SLC6A18: variants seen among roughly 807,000 people sequenced by gnomAD.
SLC6A18 encodes solute carrier family 6 member 18, also known as inactive sodium-dependent neutral amino acid transporter B(0)AT3.
A neutral mutation model predicts 62.9 loss-of-function variants in SLC6A18; 58 were observed. That is an observed-to-expected ratio of 0.92 (90% CI 0.75 to 1.15). The LOEUF (loss-of-function observed/expected upper bound fraction) is 1.15. Among genes scored for constraint, SLC6A18 ranks in the 50% most tolerant of loss-of-function variants. The pLI is 0.00. For missense variants in SLC6A18, 793 were observed against 836.6 expected (o/e 0.95, Z 0.64); for synonymous variants, 382 against 365.8 (o/e 1.04, Z -0.51).
chr5:1,244,535 G>T, intron 10 of SLC6A18, 73 bp from the exon 11 acceptor site: 1 of 1,548,652 alleles, frequency 6.5e-7, no homozygotes, highest in Non-Finnish European at 8.7e-7. Context: ...CCCCAGTTAG[G>T]GTCCGATCCT....
chr5:1,239,471 C>G lies in SLC6A18; in HGVS notation c.754C>G (p.Arg252Gly), dbSNP rs142665386. The G allele has an allele frequency of 2.5e-6, 4 of 1,613,902 alleles. No individual in the cohort carries two copies. In the African/African-American group the frequency reaches 4.0e-5, roughly 16 times the overall value. ...TPNMHILQNP[R>G]VWLDAATQIF... ...CCAGATGCACATTCTCCAGAACCCC[C>G]GGGTGTGGCTGGACGCAGCCACCCA... Residue 252 changes from arginine (R) to glycine (G), a missense_variant, in exon 6 of 12, where the codon CGG becomes GGG. By Grantham distance (125) the Arg-to-Gly change is moderately radical (BLOSUM62 -2). Coordinates refer to ENST00000324642, the MANE Select transcript of SLC6A18 (RefSeq NM_182632.3).
chr5:1,229,253 AC>A (rs1237113052), intron 1 of SLC6A18, among the ~76,000 whole-genome samples: 1 of 151,650 alleles, frequency 6.6e-6, no homozygotes, highest in Non-Finnish European at 1.5e-5. Flanking sequence ...TCTCCCCTAA[AC>A]ACAGAAACCC....
In SLC6A18 at chr5:1,231,150, G is replaced by A. The variant is rs181712932; in HGVS notation, c.161-1069G>A. On this transcript the variant is annotated intron_variant, in intron 1 of 11. Transcript: ENST00000324642. ...GGCCAGGAGGGTCTGTGGACTCCAC[G>A]GGAAGCCAGCCCTGCTCGCATCCTC... is the stretch of plus-strand genomic sequence containing the variant. 6.6e-5 allele frequency among the ~76,000 whole-genome samples: 10 copies of A among 152,280 alleles called. No individual in the cohort carries two copies. In the East Asian group the frequency reaches 1.5e-3, roughly 24 times the overall value.
intron 1 of SLC6A18, among the ~76,000 whole-genome samples, chr5:1,226,362 C>T (rs114365822): frequency 0.042 from 6,320 of 152,230 alleles, 190 homozygotes; most frequent in Non-Finnish European, 0.058. Context: ...CTCAGGGAGC[C>T]GACGTACAAC....
At position 1,232,796 on chromosome 5, in the gene SLC6A18, A is replaced by C. The variant is rs1561176034; in HGVS notation, c.347A>C (p.Asn116Thr). The C allele has an allele frequency of 2.5e-6, 4 of 1,613,466 alleles. No individual in the cohort carries two copies. The highest frequency in any genetic ancestry group is 3.4e-6 in the Non-Finnish European group (4 of 1,179,980). The change falls in exon 3 of 12, where the codon AAC becomes ACC. Residue 116 changes from asparagine (N) to threonine (T), a missense_variant. Transcript: ENST00000324642. ...TCCTTCCTGATCAGCCTGTACTACA[A>C]CACCATCGTGGCGTGGGTGCTGTGG... Reference protein sequence around the residue: ...TLSFLISLYYNTIVAWVLWYL... With the variant: ...TLSFLISLYYTTIVAWVLWYL...
chr5:1,242,670 C>A (rs774528612), intron 7 of SLC6A18, 37 bp from the exon 8 acceptor site: 1 of 1,565,816 alleles, frequency 6.4e-7, no homozygotes, highest in East Asian at 2.3e-5. Flanking sequence ...GTTTGGGAAC[C>A]AGGGCCATGA....
chr5:1,242,885 T>TCC lies in SLC6A18; in HGVS notation c.1131+22_1131+23insCC, dbSNP rs1747102724. On this transcript the variant is annotated intron_variant, in intron 8 of 11. Transcript: ENST00000324642. ...TAAGGTACCTGCACACCCCCTGGGGTAGCCAGGCAGGGCCGTCCACAGGAG... is the reference window on the plus strand; with the variant it reads ...TAAGGTACCTGCACACCCCCTGGGGTCCAGCCAGGCAGGGCCGTCCACAGGAG... 1.9e-6 allele frequency: 3 copies of TCC among 1,585,466 alleles called. No homozygotes were observed. In the East Asian group the frequency reaches 6.8e-5, roughly 36 times the overall value.
At chr5:1,236,981 C>T (rs1025844891) in intron 4 of SLC6A18, among the ~76,000 whole-genome samples, 3 of 151,812 alleles carry the variant, frequency 2.0e-5, no homozygotes, top group Non-Finnish European at 4.4e-5. Context: ...TGCCTGTAAT[C>T]CCAGCACTTT....
intron 7 of SLC6A18, among the ~76,000 whole-genome samples, chr5:1,242,301 CT>C (rs1747083910): frequency 1.3e-5 from 2 of 152,228 alleles, no homozygotes; most frequent in South Asian, 4.1e-4. Flanking sequence ...AACCATGCCC[CT>C]ACCAGTGCCG....
At chr5:1,244,177 T>TTTCCCCCCC in intron 9 of SLC6A18, 37 bp from the exon 10 acceptor site, 2 of 387,124 alleles carry the variant, frequency 5.2e-6, no homozygotes, top group South Asian at 2.5e-5. Context: ...CCACTCCCCA[T>TTTCCCCCCC]CCCCTTACCC....
intron 5 of SLC6A18, among the ~76,000 whole-genome samples, chr5:1,238,452 G>GA (rs111994481): frequency 3.7e-4 from 23 of 62,878 alleles, no homozygotes; most frequent in East Asian, 7.0e-4. Flanking sequence ...AGTGAGCTTG[G>GA]GGCCTCAGGA....
intron 7 of SLC6A18, 52 bp from the exon 8 acceptor site, chr5:1,242,655 G>A (rs1205737985): frequency 1.3e-6 from 2 of 1,553,652 alleles, no homozygotes; most frequent in Non-Finnish European, 1.7e-6. Flanking sequence ...GGTTTCTCTG[G>A]ATGTGTTTGG....
In SLC6A18 at chr5:1,225,541, G is replaced by A. The variant is rs575431144; in HGVS notation, c.64G>A (p.Asp22Asn). 1.1e-4 allele frequency: 175 copies of A among 1,613,420 alleles called. 2 individuals are homozygous for A. The South Asian group carries it at 1.8e-3, about 17-fold the overall frequency. The change falls in exon 1 of 12, where the codon GAC becomes AAC. Residue 22 changes from aspartate (D) to asparagine (N), a missense_variant. Transcript: ENST00000324642. ...CCTCGGGGATGAGAGGCCCAAGTGG[G>A]ACAACAAGGCCCAGTACCTCCTGAG... Reference protein sequence around the residue: ...CDLGDERPKWDNKAQYLLSCT... With the variant: ...CDLGDERPKWNNKAQYLLSCT...
chr5:1,240,984 C>T (rs1242512508), intron 7 of SLC6A18, among the ~76,000 whole-genome samples: 9 of 152,188 alleles, frequency 5.9e-5, no homozygotes, highest in Admixed American at 1.3e-4. Flanking sequence ...GAGGTCGCAG[C>T]GCTTGTGGCC....
chr5:1,229,406 A>T (rs943596162), intron 1 of SLC6A18, among the ~76,000 whole-genome samples: 7 of 152,046 alleles, frequency 4.6e-5, no homozygotes, highest in Non-Finnish European at 1.0e-4. Context: ...CTTCTCCCCA[A>T]ATCTTTCCCT....
At position 1,241,564 on chromosome 5, in the gene SLC6A18, C is replaced by T. The variant is rs917306318; in HGVS notation, c.974+905C>T. ...CACTGCACCTGATGGCACTTTTCAA[C>T]GGGGACGTCACCAAGAAAACGCACA... On this transcript the variant is annotated intron_variant, in intron 7 of 11. Coordinates refer to ENST00000324642, the MANE Select transcript of SLC6A18 (RefSeq NM_182632.3). This position sits in a 1 kb window ranked among gnomAD's most constrained non-coding sequence, Gnocchi z 7.8. Among the ~76,000 whole-genome samples, 7 of 152,110 alleles carry T rather than the reference C, an allele frequency of 4.6e-5. No homozygotes were observed. The highest frequency in any genetic ancestry group is 1.2e-4 in the African/African-American group (5 of 41,410).
At chr5:1,232,444 T>C (rs527904273) in intron 2 of SLC6A18, 85 bp downstream of exon 2, 180 of 1,485,416 alleles carry the variant, frequency 1.2e-4, no homozygotes, top group Admixed American at 2.2e-4. Flanking sequence ...GGCGGGTCCA[T>C]GCCTGTGGTA....
At position 1,230,040 on chromosome 5, in the gene SLC6A18, GC is replaced by G. The variant is rs1746687050; in HGVS notation, c.161-2178del. Among the ~76,000 whole-genome samples, 5 of 150,404 alleles carry G rather than the reference GC, an allele frequency of 3.3e-5. No homozygotes were observed. In the South Asian group the frequency reaches 1.0e-3, roughly 32 times the overall value. On this transcript the variant is annotated intron_variant, in intron 1 of 11. Coordinates refer to ENST00000324642, the MANE Select transcript of SLC6A18 (RefSeq NM_182632.3). ...GGGGAAGAAGAGCTCTCAGGTGCAGGCTGGAGGTGGGGGAGGGAAAAGGGGC... is the reference window on the plus strand; with the variant it reads ...GGGGAAGAAGAGCTCTCAGGTGCAGGTGGAGGTGGGGGAGGGAAAAGGGGC...
chr5:1,244,594 A>G lies in SLC6A18; in HGVS notation c.1497-14A>G. On this transcript the variant is annotated splice_polypyrimidine_tract_variant and intron_variant, in intron 10 of 11. Coordinates refer to ENST00000324642, the MANE Select transcript of SLC6A18 (RefSeq NM_182632.3). ...CACAGACCATGTGAAGCCTGAGCCC[A>G]GCATCTGGTGCAGGTTCTGCGATGA... The G allele has an allele frequency of 6.3e-7, 1 of 1,583,292 alleles. No homozygotes were observed. The highest frequency in any genetic ancestry group is 8.6e-7 in the Non-Finnish European group (1 of 1,160,704).
Sources: gnomAD v4.1 joint callset for allele counts (sites outside exome capture counted in the v4.1 genomes callset) on GRCh38, gnomAD v4.1.1 for gene constraint, Gnocchi (gnomAD v3.1) non-coding constraint, MANE v1.5 for transcripts, NCBI Gene and HGNC (gene_info 2026-07-23, HGNC 2026-07-21) for gene names.